The following GRM7 variants were observed in gnomAD, a reference collection of about 807,000 sequenced individuals.
GRM7 encodes the protein metabotropic glutamate receptor 7.
Under a neutral mutation model 84.5 loss-of-function variants are expected in GRM7, and 35 were observed. The observed-to-expected ratio is 0.41, with a 90% confidence interval of 0.32 to 0.55. GRM7 has a LOEUF of 0.55. Among genes scored for constraint, GRM7 ranks in the 20% least tolerant of loss-of-function variants. The pLI is 0.19. For synonymous variants in GRM7, 487 were observed against 455.1 expected (o/e 1.07, Z -0.89); for missense variants, 1,003 against 1,194.6 (o/e 0.84, Z 2.36).
intron 9 of GRM7, among the ~76,000 whole-genome samples, chr3:7,716,378 G>T (rs910147725): frequency 6.6e-6 from 1 of 152,128 alleles, no homozygotes; most frequent in Admixed American, 6.5e-5. Flanking sequence ...TCTGCCTACA[G>T]GGAAAATAAT....
chr3:6,994,702 T>G (rs1223756033), intron 1 of GRM7, among the ~76,000 whole-genome samples: 1 of 152,232 alleles, frequency 6.6e-6, no homozygotes, highest in Non-Finnish European at 1.5e-5. Context: ...TTATTTTTCC[T>G]TTGTGGACTT....
intron 9 of GRM7, among the ~76,000 whole-genome samples, chr3:7,738,265 T>C (rs1344871359): frequency 6.6e-6 from 1 of 152,168 alleles, no homozygotes; most frequent in Non-Finnish European, 1.5e-5. Flanking sequence ...AACTGCAGTA[T>C]TGTCTTCCTA....
intron 3 of GRM7, 70 bp downstream of exon 3, chr3:7,298,895 G>C: frequency 3.0e-6 from 4 of 1,336,340 alleles, no homozygotes; most frequent in Non-Finnish European, 4.3e-6. Context: ...TTAGGCTGCT[G>C]GCTGAGACAG....
At chr3:7,375,010 A>T (rs1315879919) in intron 4 of GRM7, among the ~76,000 whole-genome samples, 1 of 152,064 alleles carries the variant, frequency 6.6e-6, no homozygotes, top group Non-Finnish European at 1.5e-5. Context: ...CTTCACCCAC[A>T]GTGACTGCCT....
rs139318643 is a variant in GRM7 at position 7,251,697 on chromosome 3, T to G, written c.737-46987T>G. 8.2e-4 allele frequency among the ~76,000 whole-genome samples: 125 copies of G among 152,298 alleles called. 2 individuals carry two copies. In the East Asian group the frequency reaches 0.02, roughly 24 times the overall value. ...CAAAGCACATTAACTACCAGTCAGTTCAGTTCCAAGATATTCAGTCCACTC... is the reference window on the plus strand; with the variant it reads ...CAAAGCACATTAACTACCAGTCAGTGCAGTTCCAAGATATTCAGTCCACTC... On this transcript the variant is annotated intron_variant, in intron 2 of 9. Transcript: ENST00000357716.
chr3:7,317,789 A>G (rs1700636338), intron 4 of GRM7, among the ~76,000 whole-genome samples: 1 of 152,170 alleles, frequency 6.6e-6, no homozygotes, highest in South Asian at 2.1e-4. Context: ...TGCAAGGTAG[A>G]CAAAAAGAAC....
At chr3:7,591,427 A>T in intron 8 of GRM7, 2 of 436,556 alleles carry the variant, frequency 4.6e-6, no homozygotes, top group South Asian at 3.4e-5. Flanking sequence ...TTTACAAATG[A>T]ATGTCCAAAG....
At position 7,183,552 on chromosome 3, in the gene GRM7, G is replaced by A. The variant is rs557680173; in HGVS notation, c.736+36884G>A. ...TGAGGCAGGAGACTTGCTTGAACCCGGGAGGTGGAGGTTGCAGTGAGCCAA... is the reference window on the plus strand; with the variant it reads ...TGAGGCAGGAGACTTGCTTGAACCCAGGAGGTGGAGGTTGCAGTGAGCCAA... On this transcript the variant is annotated intron_variant, in intron 2 of 9. Coordinates refer to ENST00000357716, the MANE Select transcript of GRM7 (RefSeq NM_000844.4). 9.2e-5 allele frequency among the ~76,000 whole-genome samples: 14 copies of A among 152,178 alleles called. No homozygotes were observed. In the South Asian group the frequency reaches 1.7e-3, roughly 18 times the overall value.
intron 1 of GRM7, among the ~76,000 whole-genome samples, chr3:7,114,270 T>C (rs920976566): frequency 2.0e-5 from 3 of 152,174 alleles, no homozygotes; most frequent in African/African-American, 7.2e-5. Flanking sequence ...TAATGAGCAA[T>C]GAGGTTATTA....
chr3:7,660,083 T>C (rs1699371796), intron 8 of GRM7, among the ~76,000 whole-genome samples: 1 of 152,230 alleles, frequency 6.6e-6, no homozygotes, highest in South Asian at 2.1e-4. Flanking sequence ...AAAAGCAAAG[T>C]ATTAAATAAA....
intron 8 of GRM7, among the ~76,000 whole-genome samples, chr3:7,633,361 T>C (rs1697938686): frequency 6.6e-6 from 1 of 152,188 alleles, no homozygotes. Flanking sequence ...TAGTAACTTG[T>C]CCCAAAACAC....
At chr3:7,025,084 C>T (rs1001020505) in intron 1 of GRM7, among the ~76,000 whole-genome samples, 1 of 152,162 alleles carries the variant, frequency 6.6e-6, no homozygotes, top group Non-Finnish European at 1.5e-5. Flanking sequence ...TGTTTGTCAT[C>T]AAAACCAGCA....
At chr3:6,885,667 G>A (rs952183150) in intron 1 of GRM7, among the ~76,000 whole-genome samples, 1 of 152,180 alleles carries the variant, frequency 6.6e-6, no homozygotes, top group Non-Finnish European at 1.5e-5. Context: ...TATAAGGGAG[G>A]TATTATGAAG....
At chr3:7,513,795 C>T (rs114628287) in intron 7 of GRM7, among the ~76,000 whole-genome samples, 9 of 152,228 alleles carry the variant, frequency 5.9e-5, no homozygotes, top group South Asian at 2.1e-4. Flanking sequence ...AAAGACAACC[C>T]AAAACCACCT....
intron 9 of GRM7, chr3:7,680,980 C>T (rs1013838061): frequency 6.6e-6 from 1 of 152,290 alleles, no homozygotes; most frequent in Non-Finnish European, 1.5e-5. Context: ...CTCTAGGAGC[C>T]TTTAGTCATG....
intron 8 of GRM7, among the ~76,000 whole-genome samples, chr3:7,643,035 C>G (rs552453213): frequency 6.6e-6 from 1 of 152,096 alleles, no homozygotes; most frequent in Non-Finnish European, 1.5e-5. Context: ...GTCCTTAAGA[C>G]GGGGCTTTTT....
chr3:7,516,668 A>G (rs1345675515), intron 7 of GRM7, among the ~76,000 whole-genome samples: 1 of 152,052 alleles, frequency 6.6e-6, no homozygotes, highest in Non-Finnish European at 1.5e-5. Flanking sequence ...GAGCTGGAGC[A>G]TTGAATGGCA....
At chr3:7,409,036 T>C (rs1234311415) in intron 4 of GRM7, among the ~76,000 whole-genome samples, 2 of 152,214 alleles carry the variant, frequency 1.3e-5, no homozygotes, top group Non-Finnish European at 2.9e-5. Context: ...TTGGGTCTAG[T>C]TCTGGACTTT....
intron 7 of GRM7, among the ~76,000 whole-genome samples, chr3:7,575,659 T>C (rs1872401): frequency 0.28 from 42,774 of 152,138 alleles, 6,177 homozygotes; most frequent in Middle Eastern, 0.4. Flanking sequence ...ACACAGATTA[T>C]ATTTTCAATA....
Sources: allele counts gnomAD v4.1 joint callset (sites outside exome capture counted in the v4.1 genomes callset), GRCh38; gene constraint gnomAD v4.1.1; transcripts MANE v1.5; gene names NCBI Gene and HGNC (gene_info 2026-07-23, HGNC 2026-07-21).